GRAP2: variants seen among roughly 807,000 people sequenced by gnomAD.
GRAP2 encodes GRB2-related adapter protein 2.
GRAP2 carries 31 observed loss-of-function variants against 43.5 expected under a neutral mutation model. The observed-to-expected ratio is 0.71, with a 90% CI of 0.54 to 0.96. GRAP2 has a LOEUF of 0.96. Among genes scored for constraint, GRAP2 ranks in the 40% least tolerant of loss-of-function variants. The pLI is 0.00. For missense variants in GRAP2, 371 were observed against 424.4 expected, an observed-to-expected ratio of 0.87 and a Z score of 1.11; for synonymous variants, 156 against 164.8, an observed-to-expected ratio of 0.95 and a Z score of 0.41.
intron 4 of GRAP2, chr22:39,964,508 C>G: frequency 9.8e-7 from 1 of 1,019,738 alleles, no homozygotes; most frequent in Non-Finnish European, 1.5e-6. Flanking sequence ...GTGCTAAAAG[C>G]GAAGGTCGTG....
chr22:39,943,479 A>C (rs1446124006), intron 1 of GRAP2, among the ~76,000 whole-genome samples: 1 of 152,078 alleles, frequency 6.6e-6, no homozygotes, highest in Non-Finnish European at 1.5e-5. Flanking sequence ...AGAGAGGTGC[A>C]GAGGGCTGGT....
intron 1 of GRAP2, among the ~76,000 whole-genome samples, chr22:39,935,753 G>A (rs574443282): frequency 1.3e-5 from 2 of 152,148 alleles, no homozygotes; most frequent in African/African-American, 2.4e-5. Flanking sequence ...GCTTGGGAGC[G>A]TAAGTAAAAG....
chr22:39,925,984 C>G (rs2066693063), intron 1 of GRAP2, among the ~76,000 whole-genome samples: 1 of 152,206 alleles, frequency 6.6e-6, no homozygotes, highest in South Asian at 2.1e-4. Context: ...CTCCTTGGAG[C>G]TCCATGCTAC....
At chr22:39,938,938 CCCTCGTT>C (rs773167270) in intron 1 of GRAP2, among the ~76,000 whole-genome samples, 14 of 152,104 alleles carry the variant, frequency 9.2e-5, no homozygotes, top group Non-Finnish European at 1.9e-4. Context: ...GCAGAGGCCC[CCCTCGTT>C]CCATGTGTTC....
chr22:39,905,408 T>C (rs1287781165), intron 1 of GRAP2, among the ~76,000 whole-genome samples: 2 of 152,188 alleles, frequency 1.3e-5, no homozygotes, highest in Admixed American at 1.3e-4. Context: ...TATTGAGTGC[T>C]TGCTGTGGAG....
intron 4 of GRAP2, among the ~76,000 whole-genome samples, chr22:39,961,214 C>A (rs548156702): frequency 7.2e-4 from 109 of 152,136 alleles, no homozygotes; most frequent in Non-Finnish European, 1.3e-3. Flanking sequence ...TTGGCCTCCC[C>A]CATAGTGACC....
At chr22:39,914,762 A>G (rs924711852) in intron 1 of GRAP2, among the ~76,000 whole-genome samples, 3 of 152,216 alleles carry the variant, frequency 2.0e-5, no homozygotes, top group African/African-American at 7.2e-5. Context: ...TCGATCTGAA[A>G]AACAGTTTAT....
At position 39,968,509 on chromosome 22, in the gene GRAP2, T is replaced by TCA. The variant is rs746355463; in HGVS notation, c.690+251_690+252dup. 6.1e-4 allele frequency: 322 copies of TCA among 528,602 alleles called. 1 individual carries two copies. Among genetic ancestry groups the TCA allele is most frequent in the Admixed American group, 8.5e-4 (25 of 29,328 alleles). 32.7% of individuals were successfully genotyped at this position (528,602 alleles called of 1,614,324 possible). ...CTCACACACACACACACACTTAAACTCACACACACACACACTTCCCCTGAG... is the reference window on the plus strand; with the variant it reads ...CTCACACACACACACACACTTAAACTCACACACACACACACACTTCCCCTGAG... On this transcript the variant is annotated intron_variant, in intron 6 of 7. Transcript: ENST00000344138.
chr22:39,900,257 CA>C (rs2074850277), upstream of GRAP2, among the ~76,000 whole-genome samples: 1 of 152,188 alleles, frequency 6.6e-6, no homozygotes, highest in African/African-American at 2.4e-5. Context: ...CTCTCCTTGA[CA>C]CTCTCCTCTT....
chr22:39,908,861 C>T (rs146945525), intron 1 of GRAP2, among the ~76,000 whole-genome samples: 20 of 152,276 alleles, frequency 1.3e-4, no homozygotes, highest in African/African-American at 4.8e-4. Context: ...ATCATCTGCT[C>T]GGTACCGTGT....
chr22:39,960,346 C>A, intron 4 of GRAP2, 172 bp downstream of exon 4: 1 of 634,144 alleles, frequency 1.6e-6, no homozygotes, highest in Non-Finnish European at 2.8e-6. Flanking sequence ...CTTCCCAAAA[C>A]ATGCACACAC....
At chr22:39,927,190 C>A (rs140193184) in intron 1 of GRAP2, among the ~76,000 whole-genome samples, 2 of 152,288 alleles carry the variant, frequency 1.3e-5, no homozygotes, top group East Asian at 3.9e-4. Flanking sequence ...CCATGCTATC[C>A]CCACTTACCT....
intron 1 of GRAP2, among the ~76,000 whole-genome samples, chr22:39,920,945 C>CACAG (rs2066644718): frequency 2.5e-4 from 1 of 4,032 alleles, no homozygotes; most frequent in African/African-American, 2.8e-3. Context: ...TCTACACAGA[C>CACAG]ACACACACAC....
intron 1 of GRAP2, among the ~76,000 whole-genome samples, chr22:39,909,382 A>G (rs1382264544): frequency 2.6e-5 from 4 of 152,244 alleles, no homozygotes; most frequent in Admixed American, 6.5e-5. Context: ...TTCCATTTTT[A>G]AATGTAAGAC....
At chr22:39,894,050 A>G in the GRAP2 span, among the ~76,000 whole-genome samples, 1 of 151,974 alleles carries the variant, frequency 6.6e-6, no homozygotes, top group Non-Finnish European at 1.5e-5. Context: ...ATGAGTATAA[A>G]TTAATTTACT....
At chr22:39,970,311 G>A (rs1569219699) in intron 7 of GRAP2, among the ~76,000 whole-genome samples, 1 of 152,040 alleles carries the variant, frequency 6.6e-6, no homozygotes, top group South Asian at 2.1e-4. Context: ...GAACTCCTGG[G>A]CTCAAGCAAT....
rs950028905 is a variant in GRAP2, at chr22:39,964,483, C to T, written c.291-1507C>T. On this transcript the variant is annotated intron_variant, in intron 4 of 7. Transcript: ENST00000344138. ...TTTCAAGCAGAAACAAAAAGAGGAG[C>T]AGAAGAAACTCGAGGTGCTAAAAGC... 4.6e-5 allele frequency: 47 copies of T among 1,026,612 alleles called. No individual in the cohort carries two copies. The East Asian group carries it at 1.1e-3, about 25-fold the overall frequency. 63.6% of individuals were successfully genotyped at this position (1,026,612 alleles called of 1,614,324 possible).
At chr22:39,930,907 C>T (rs1021148515) in intron 1 of GRAP2, among the ~76,000 whole-genome samples, 3 of 152,228 alleles carry the variant, frequency 2.0e-5, no homozygotes, top group Non-Finnish European at 4.4e-5. Flanking sequence ...GTTCAATTGT[C>T]ACCTCATTTG....
At chr22:39,922,161 G>C (rs890167320) in intron 1 of GRAP2, among the ~76,000 whole-genome samples, 5 of 152,186 alleles carry the variant, frequency 3.3e-5, no homozygotes, top group Admixed American at 1.3e-4. Flanking sequence ...TTCTCAGTTG[G>C]GAGAGCTTAC....
Sources: gnomAD v4.1 joint callset for allele counts (sites outside exome capture counted in the v4.1 genomes callset) on GRCh38, gnomAD v4.1.1 for gene constraint, MANE v1.5 for transcripts, NCBI Gene and HGNC (gene_info 2026-07-23, HGNC 2026-07-21) for gene names.